Variants in PGM2 observed in about 807,000 individuals in gnomAD.
PGM2 encodes the protein phosphoglucomutase 2.
PGM2 carries 57 observed loss-of-function variants against 74.6 expected under a neutral mutation model. That is an observed-to-expected ratio of 0.76 (90% CI 0.62 to 0.95). The LOEUF (loss-of-function observed/expected upper bound fraction) is 0.95, where lower values mean the gene tolerates loss of function less well. PGM2 is among the 40% of genes least tolerant of loss of function. The pLI is 0.00. For synonymous variants in PGM2, 273 were observed against 260.7 expected, an observed-to-expected ratio of 1.05 and a Z score of -0.46; for missense variants, 706 against 741.9, an observed-to-expected ratio of 0.95 and a Z score of 0.56.
intron 2 of PGM2, among the ~76,000 whole-genome samples, chr4:37,834,242 G>T (rs530204347): frequency 4.6e-5 from 7 of 151,884 alleles, no homozygotes; most frequent in African/African-American, 1.5e-4. Context: ...GCTGAGGTAG[G>T]GGGGGATTGC....
chr4:37,847,191 TA>T lies in PGM2; in HGVS notation c.1189-10del. 6.2e-7 allele frequency: 1 copy of T among 1,610,836 alleles called. No individual in the cohort carries two copies. The highest frequency in any genetic ancestry group is 8.5e-7 in the Non-Finnish European group (1 of 1,177,050). On this transcript the variant is annotated splice_polypyrimidine_tract_variant and intron_variant, in intron 9 of 13. Transcript: ENST00000381967. ...TAAGGCATGTCTTTCTCTTTTGGAT[TA>T]TCCCTTTAGGAAACATTAACTGGCT...
rs773633349 is a variant in PGM2 at position 37,830,014 on chromosome 4, A to C, written c.132A>C (p.Lys44Asn). ...AACGACTAATAGCAGAAGGTAATAA[A>C]GAAGAACTACGAAAATGTTTTGGGG... The part of the protein sequence containing the change: ...AVKRLIAEGN[K>N]EELRKCFGAR... Residue 44 changes from lysine to asparagine, a missense_variant, in exon 2 of 14, where the codon AAA becomes AAC. Coordinates refer to ENST00000381967, the MANE Select transcript of PGM2 (RefSeq NM_018290.4). The C allele has an allele frequency of 1.2e-6, 2 of 1,609,666 alleles. No homozygotes were observed. The highest frequency in any genetic ancestry group is 2.2e-5 in the South Asian group (2 of 90,312).
Position 37,850,292 on chromosome 4 carries a change from A to G in PGM2, c.1521A>G (p.Pro507=). 1 of 1,593,482 alleles carries G rather than the reference A, an allele frequency of 6.3e-7. No homozygotes were observed. The highest frequency in any genetic ancestry group is 1.2e-5 in the South Asian group (1 of 86,572). The change falls in exon 12 of 14, where the codon CCA becomes CCG. Residue 507 remains proline, a synonymous_variant. Transcript: ENST00000381967. ...LRNYDGKNNY[P]KACGKFEISA... ...ACTACGATGGAAAAAATAATTATCC[A>G]AAAGCTTGTGGCAAATTTGAAATTT... is the stretch of plus-strand genomic sequence containing the variant.
intron 1 of PGM2, among the ~76,000 whole-genome samples, chr4:37,829,654 C>A (rs1725387012): frequency 6.6e-6 from 1 of 152,152 alleles, no homozygotes. Flanking sequence ...CTGGAATAAT[C>A]TGCGCAAGCA....
intron 6 of PGM2, among the ~76,000 whole-genome samples, chr4:37,842,671 T>G (rs2152177646): frequency 6.6e-6 from 1 of 151,838 alleles, no homozygotes; most frequent in South Asian, 2.1e-4. Flanking sequence ...TTTTTTTCTT[T>G]TTTTTTTGAG....
intron 2 of PGM2, among the ~76,000 whole-genome samples, chr4:37,834,375 G>A (rs1286408375): frequency 6.6e-6 from 1 of 151,976 alleles, no homozygotes; most frequent in Non-Finnish European, 1.5e-5. Flanking sequence ...GTTGATCTGA[G>A]GTTAGAGATA....
chr4:37,841,808 A>T (rs943889200), intron 6 of PGM2, among the ~76,000 whole-genome samples: 32 of 152,312 alleles, frequency 2.1e-4, no homozygotes, highest in African/African-American at 7.5e-4. Context: ...CCTTGTGCAC[A>T]GTTGCTTGAG....
chr4:37,837,439 A>G (rs1375684811), intron 3 of PGM2, 90 bp from the exon 4 acceptor site: 1 of 813,894 alleles, frequency 1.2e-6, no homozygotes, highest in Non-Finnish European at 2.2e-6. Flanking sequence ...TTCACCCTAA[A>G]GAACATTCAG....
chr4:37,848,713 A>G, intron 11 of PGM2, 62 bp downstream of exon 11: 1 of 1,180,858 alleles, frequency 8.5e-7, no homozygotes, highest in South Asian at 1.3e-5. Context: ...TTATATACTT[A>G]TGCATGAGAT....
chr4:37,838,908 G>C lies in PGM2; in HGVS notation c.442-940G>C, dbSNP rs529600844. Among the ~76,000 whole-genome samples the C allele has an allele frequency of 2.5e-4, 38 of 152,214 alleles. No homozygotes were observed. The South Asian group carries it at 6.9e-3, about 27-fold the overall frequency. ...TGTTCAATGACTGCAGTGATTCTTG[G>C]TGAAAGGGTGGAGGGGACGGACAAT... On this transcript the variant is annotated intron_variant, in intron 4 of 13. Coordinates refer to ENST00000381967, the MANE Select transcript of PGM2 (RefSeq NM_018290.4).
In PGM2 at chr4:37,850,510, A is replaced by T. The variant is rs750888762; in HGVS notation, c.1602+137A>T. The T allele has an allele frequency of 5.5e-6, 3 of 548,252 alleles. No individual in the cohort carries two copies. In the East Asian group the frequency reaches 1.0e-4, roughly 19 times the overall value. 34.0% of individuals were successfully genotyped at this position (548,252 alleles called of 1,614,324 possible). A position where few individuals can be genotyped will look rare whatever the true frequency, so the allele number is the denominator to read the frequency against. ...CGTGATTATAAATAAGCTATAAAAA[A>T]TATATGGAAGCCGGATGTGGTGGCT... On this transcript the variant is annotated intron_variant, in intron 12 of 13. Coordinates refer to ENST00000381967, the MANE Select transcript of PGM2 (RefSeq NM_018290.4).
intron 6 of PGM2, among the ~76,000 whole-genome samples, chr4:37,842,883 G>A (rs12501402): frequency 0.45 from 68,399 of 151,876 alleles, 17,415 homozygotes; most frequent in Non-Finnish European, 0.59. Flanking sequence ...GGCTGGTCTC[G>A]TATTCCTGAG....
chr4:37,840,080 T>G lies in PGM2; in HGVS notation c.540T>G (p.Asn180Lys), dbSNP rs1368958491. The G allele has an allele frequency of 6.2e-7, 1 of 1,613,698 alleles. No homozygotes were observed. The highest frequency in any genetic ancestry group is 1.1e-5 in the South Asian group (1 of 91,074). ...GGGTCCTCTAGGTCTATTGGGATAA[T>G]GGAGCTCAGATCATTTCTCCTCACG... is the stretch of plus-strand genomic sequence containing the variant. ...QDNGYKVYWD[N>K]GAQIISPHDK... The change falls in exon 6 of 14, where the codon AAT (asparagine) becomes AAG (lysine). Residue 180 changes from asparagine to lysine, a missense_variant. By Grantham distance (94) the Asn-to-Lys change is moderately conservative (BLOSUM62 0). Coordinates refer to ENST00000381967, the MANE Select transcript of PGM2 (RefSeq NM_018290.4).
intron 13 of PGM2, 121 bp downstream of exon 13, chr4:37,855,862 C>T: frequency 2.5e-6 from 2 of 803,058 alleles, no homozygotes; most frequent in Admixed American, 3.2e-5. Flanking sequence ...AATGCTGTTT[C>T]AGAACCTGCA....
At chr4:37,841,186 G>GTGTGTGTGTA (rs1725716855) in intron 6 of PGM2, among the ~76,000 whole-genome samples, 1 of 130,282 alleles carries the variant, frequency 7.7e-6, no homozygotes, top group Non-Finnish European at 1.6e-5. Flanking sequence ...GTGTGTGTGT[G>GTGTGTGTGTA]TGGTTTGTTC....
At chr4:37,835,511 G>A (rs575077989) in intron 3 of PGM2, among the ~76,000 whole-genome samples, 1 of 152,174 alleles carries the variant, frequency 6.6e-6, no homozygotes, top group South Asian at 2.1e-4. Flanking sequence ...ACCCCTGCCC[G>A]TAACCATGTT....
intron 4 of PGM2, chr4:37,839,395 G>GT (rs1491176287): frequency 5.5e-6 from 2 of 366,562 alleles, no homozygotes; most frequent in African/African-American, 4.3e-5. Context: ...GATTACAGGC[G>GT]TGAGACACCA....
At chr4:37,859,224 T>C (rs1711674008) in intron 13 of PGM2, among the ~76,000 whole-genome samples, 1 of 152,212 alleles carries the variant, frequency 6.6e-6, no homozygotes, top group South Asian at 2.1e-4. Flanking sequence ...TAAGACTTCA[T>C]GATGCTTCAC....
chr4:37,839,598 T>C, intron 4 of PGM2: 1 of 616,244 alleles, frequency 1.6e-6, no homozygotes, highest in Non-Finnish European at 3.0e-6. Context: ...AAGTAGAAGA[T>C]GGAATGAGAA....
Sources: gnomAD v4.1 joint callset for allele counts (sites outside exome capture counted in the v4.1 genomes callset) on GRCh38, gnomAD v4.1.1 for gene constraint, MANE v1.5 for transcripts, NCBI Gene and HGNC (gene_info 2026-07-23, HGNC 2026-07-21) for gene names.